Variants in ZNF608 observed in about 807,000 individuals in gnomAD.
The protein encoded by ZNF608 is renal carcinoma antigen NY-REN-36.
ZNF608 carries 12 observed loss-of-function variants against 109.0 expected under a neutral mutation model. The ratio of observed to expected loss-of-function variants is 0.11; its 90% CI spans 0.07 to 0.18. The LOEUF is 0.18. ZNF608 is among the 10% of genes least tolerant of loss of function. The pLI is 1.00. For missense variants in ZNF608, 1,707 were observed against 1,879.3 expected (o/e 0.91, Z 1.70); for synonymous variants, 732 against 717.4 (o/e 1.02, Z -0.33).
At chr5:124,638,227 G>C (rs1195602062) in intron 9 of ZNF608, among the ~76,000 whole-genome samples, 1 of 150,950 alleles carries the variant, frequency 6.6e-6, no homozygotes, top group East Asian at 2.0e-4. Context: ...TGGGATTACA[G>C]GCATAAGCCA....
At chr5:124,693,972 A>ATTTTTTT (rs1561564262) in intron 3 of ZNF608, among the ~76,000 whole-genome samples, 1 of 23,300 alleles carries the variant, frequency 4.3e-5, no homozygotes, top group African/African-American at 2.3e-4. Context: ...CATTTCATTA[A>ATTTTTTT]TCTTTTTTTT....
intron 1 of ZNF608, among the ~76,000 whole-genome samples, chr5:124,745,613 A>G (rs527492918): frequency 2.6e-5 from 4 of 152,348 alleles, no homozygotes; most frequent in African/African-American, 7.2e-5. Context: ...CTTGCAATTT[A>G]GAAGACCAGA....
At chr5:124,681,576 CA>C (rs1175024472) in intron 3 of ZNF608, among the ~76,000 whole-genome samples, 2 of 152,002 alleles carry the variant, frequency 1.3e-5, no homozygotes, top group Admixed American at 6.6e-5. Context: ...CCCATCTCTA[CA>C]AAAAATAGAA....
chr5:124,650,030 A>G (rs950445495), intron 3 of ZNF608, among the ~76,000 whole-genome samples: 2 of 152,228 alleles, frequency 1.3e-5, no homozygotes, highest in Non-Finnish European at 2.9e-5. Context: ...TAATTTTTCT[A>G]TTATTACACA....
chr5:124,692,708 T>C (rs916562817), intron 3 of ZNF608, among the ~76,000 whole-genome samples: 1 of 152,138 alleles, frequency 6.6e-6, no homozygotes, highest in African/African-American at 2.4e-5. Flanking sequence ...CCAACCACAG[T>C]GTGTTCAAAT....
intron 3 of ZNF608, among the ~76,000 whole-genome samples, chr5:124,697,372 T>C (rs1752893420): frequency 6.6e-6 from 1 of 150,702 alleles, no homozygotes; most frequent in Non-Finnish European, 1.5e-5. Flanking sequence ...GTTTTGTTAT[T>C]TTTTTTTTAA....
chr5:124,665,211 C>T (rs1449207898), intron 3 of ZNF608, among the ~76,000 whole-genome samples: 2 of 151,602 alleles, frequency 1.3e-5, no homozygotes, highest in African/African-American at 4.9e-5. Flanking sequence ...TGTTCAGTGA[C>T]ATCACACTGG....
intron 2 of ZNF608, among the ~76,000 whole-genome samples, chr5:124,721,853 A>T (rs2149879576): frequency 6.8e-6 from 1 of 146,114 alleles, no homozygotes; most frequent in South Asian, 2.2e-4. Context: ...GTAGCAGGAG[A>T]ATTGCTTGAA....
intron 3 of ZNF608, chr5:124,666,383 G>A (rs767748375): frequency 6.6e-6 from 1 of 152,040 alleles, no homozygotes; most frequent in Non-Finnish European, 1.5e-5. Flanking sequence ...GTCCTCAAGC[G>A]GCCCATTGCT....
At chr5:124,653,381 A>T (rs1750873858) in intron 3 of ZNF608, among the ~76,000 whole-genome samples, 1 of 152,224 alleles carries the variant, frequency 6.6e-6, no homozygotes, top group Non-Finnish European at 1.5e-5. Flanking sequence ...TTCCAGGAAG[A>T]TGTCAAGCCC....
chr5:124,700,853 C>T (rs539325057), intron 3 of ZNF608, among the ~76,000 whole-genome samples, 161 bp downstream of exon 3: 11 of 152,298 alleles, frequency 7.2e-5, no homozygotes, highest in African/African-American at 2.6e-4. Context: ...CACAAGAAGA[C>T]AAACACGGCT....
chr5:124,661,319 A>G (rs1751246440), intron 3 of ZNF608, among the ~76,000 whole-genome samples: 1 of 152,160 alleles, frequency 6.6e-6, no homozygotes, highest in African/African-American at 2.4e-5. Context: ...AACAGAAATG[A>G]GACTCTGCAG....
upstream of ZNF608, among the ~76,000 whole-genome samples, chr5:124,747,855 A>G (rs906032455): frequency 2.6e-5 from 4 of 152,156 alleles, no homozygotes; most frequent in African/African-American, 7.2e-5. Context: ...GGAGAAGGGT[A>G]TCTCCGAGCT....
intron 2 of ZNF608, among the ~76,000 whole-genome samples, chr5:124,715,910 G>A (rs921899076): frequency 5.9e-5 from 9 of 152,032 alleles, no homozygotes; most frequent in African/African-American, 1.9e-4. Flanking sequence ...TTGGGAGGCC[G>A]AGGCGGGCGG....
At chr5:124,692,777 T>C (rs779933240) in intron 3 of ZNF608, among the ~76,000 whole-genome samples, 11 of 152,138 alleles carry the variant, frequency 7.2e-5, no homozygotes, top group Non-Finnish European at 1.5e-4. Context: ...CCTTTCTAAG[T>C]CTCCTTTATT....
intron 3 of ZNF608, among the ~76,000 whole-genome samples, chr5:124,696,811 T>C (rs1248351752): frequency 6.6e-6 from 1 of 152,214 alleles, no homozygotes; most frequent in Non-Finnish European, 1.5e-5. Flanking sequence ...ATAATACATG[T>C]GTCTTCCTTA....
At chr5:124,747,553 A>G (rs1162672851), upstream of ZNF608, among the ~76,000 whole-genome samples, 1 of 151,598 alleles carries the variant, frequency 6.6e-6, no homozygotes. Context: ...CAAGCGTATC[A>G]AGAAAATACT....
intron 2 of ZNF608, among the ~76,000 whole-genome samples, chr5:124,711,729 G>A (rs998128714): frequency 1.3e-5 from 2 of 152,214 alleles, no homozygotes; most frequent in Non-Finnish European, 2.9e-5. Context: ...AGCTGAAGGT[G>A]GTCAGTTAAG....
At chr5:124,736,806 T>C (rs1183247165) in intron 2 of ZNF608, among the ~76,000 whole-genome samples, 2 of 152,228 alleles carry the variant, frequency 1.3e-5, no homozygotes, top group African/African-American at 4.8e-5. Flanking sequence ...GTGTGACCAA[T>C]TGGAACTTTG....
Sources: allele counts gnomAD v4.1 joint callset (sites outside exome capture counted in the v4.1 genomes callset), GRCh38; gene constraint gnomAD v4.1.1; transcripts MANE v1.5; gene names NCBI Gene and HGNC (gene_info 2026-07-23, HGNC 2026-07-21).